DNAJC15: variants seen among roughly 807,000 people sequenced by gnomAD.
DNAJC15 encodes the protein dnaJ homolog subfamily C member 15.
In DNAJC15, 27 loss-of-function variants were observed where a neutral mutation model predicts 22.4. The ratio of observed to expected loss-of-function variants is 1.20; its 90% CI spans 0.89 to 1.66. DNAJC15 has a LOEUF of 1.66. DNAJC15 is among the 40% of genes most tolerant of loss of function. DNAJC15 has a pLI of 0.00. For missense variants in DNAJC15, 208 were observed against 187.1 expected (o/e 1.11, Z -0.65); for synonymous variants, 79 against 63.2 (o/e 1.25, Z -1.19).
At chr13:43,029,835 C>A (rs771351114) in intron 1 of DNAJC15, among the ~76,000 whole-genome samples, 3 of 152,038 alleles carry the variant, frequency 2.0e-5, no homozygotes, top group Non-Finnish European at 4.4e-5. Flanking sequence ...TAAGAATACT[C>A]GTTCTCTCAG....
At chr13:43,080,433 C>T (rs2040656526) in intron 4 of DNAJC15, among the ~76,000 whole-genome samples, 1 of 152,138 alleles carries the variant, frequency 6.6e-6, no homozygotes, top group Non-Finnish European at 1.5e-5. Context: ...TGTTTATGTA[C>T]CACATTTTCT....
intron 4 of DNAJC15, among the ~76,000 whole-genome samples, chr13:43,081,744 G>T (rs547286134): frequency 3.3e-5 from 5 of 152,130 alleles, no homozygotes; most frequent in Admixed American, 1.3e-4. Flanking sequence ...GCACATTTAT[G>T]ATTTTTAAGC....
chr13:43,093,804 TAA>T (rs1296763424), intron 5 of DNAJC15, among the ~76,000 whole-genome samples: 1 of 152,182 alleles, frequency 6.6e-6, no homozygotes, highest in African/African-American at 2.4e-5. Flanking sequence ...ATAATCTTTA[TAA>T]AAATATATCT....
chr13:43,086,947 G>A (rs988895881), intron 5 of DNAJC15, among the ~76,000 whole-genome samples: 1 of 151,674 alleles, frequency 6.6e-6, no homozygotes, highest in African/African-American at 2.4e-5. Context: ...GGACTTCGGA[G>A]CAAGGGATCA....
chr13:43,104,185 T>C (rs2040784551), intron 5 of DNAJC15, among the ~76,000 whole-genome samples: 1 of 152,198 alleles, frequency 6.6e-6, no homozygotes, highest in Non-Finnish European at 1.5e-5. Context: ...GGTTCCTTTT[T>C]GCCCCTTCCC....
chr13:43,066,571 T>G (rs1418371829), intron 2 of DNAJC15, among the ~76,000 whole-genome samples: 1 of 152,188 alleles, frequency 6.6e-6, no homozygotes, highest in Non-Finnish European at 1.5e-5. Context: ...ATTCTCAGGT[T>G]CCAAGGATTA....
intron 5 of DNAJC15, among the ~76,000 whole-genome samples, chr13:43,089,359 A>C (rs1375176476): frequency 6.6e-6 from 1 of 152,234 alleles, no homozygotes; most frequent in East Asian, 1.9e-4. Flanking sequence ...CAGACAAAAA[A>C]TAAGTAAACC....
rs1226147889 is a variant in DNAJC15 at position 43,113,893 on chromosome 13, C to G, written c.*6645C>G. The G allele has an allele frequency of 1.3e-5, 2 of 152,170 alleles. No individual in the cohort carries two copies. The highest frequency in any genetic ancestry group is 4.8e-5 in the African/African-American group (2 of 41,436). 9.4% of individuals were successfully genotyped at this position (152,170 alleles called of 1,614,324 possible). On this transcript the variant is annotated 3_prime_UTR_variant, in exon 6 of 6. Transcript: ENST00000379221. ...GCAGCAGGTACACACAGAAATGCAG[C>G]CTTTCCTGGTTAACCCTGCTTGGAT...
intron 1 of DNAJC15, among the ~76,000 whole-genome samples, chr13:43,049,014 A>C (rs1233188539): frequency 6.6e-6 from 1 of 152,062 alleles, no homozygotes; most frequent in Non-Finnish European, 1.5e-5. Context: ...TTCATCATCT[A>C]CTGCTACATA....
At chr13:43,084,563 G>C (rs1352503849) in intron 4 of DNAJC15, among the ~76,000 whole-genome samples, 1 of 152,162 alleles carries the variant, frequency 6.6e-6, no homozygotes, top group African/African-American at 2.4e-5. Context: ...ATTACACTGT[G>C]CTTTAAGTCA....
chr13:43,094,919 C>T (rs2040732393), intron 5 of DNAJC15, among the ~76,000 whole-genome samples: 2 of 152,012 alleles, frequency 1.3e-5, no homozygotes, highest in Non-Finnish European at 2.9e-5. Context: ...CTCTAAATTT[C>T]CTCCCCTTCC....
chr13:43,077,976 A>G (rs1325507175), intron 3 of DNAJC15, among the ~76,000 whole-genome samples: 1 of 152,146 alleles, frequency 6.6e-6, no homozygotes, highest in East Asian at 1.9e-4. Flanking sequence ...TCTACATGGC[A>G]GTTAGATTAA....
chr13:43,025,195 A>C (rs1345496635), intron 1 of DNAJC15, among the ~76,000 whole-genome samples: 2 of 152,204 alleles, frequency 1.3e-5, no homozygotes, highest in African/African-American at 2.4e-5. Flanking sequence ...ACTCCTTAGA[A>C]ATAAGGATTT....
At chr13:43,087,667 A>G (rs977178341) in intron 5 of DNAJC15, among the ~76,000 whole-genome samples, 9 of 152,156 alleles carry the variant, frequency 5.9e-5, no homozygotes, top group African/African-American at 1.9e-4. Context: ...ATTCATGAAT[A>G]TGTTTCCCCA....
chr13:43,083,781 T>A (rs947969331), intron 4 of DNAJC15, among the ~76,000 whole-genome samples: 1 of 152,184 alleles, frequency 6.6e-6, no homozygotes, highest in Admixed American at 6.5e-5. Flanking sequence ...CAGTAGTCTT[T>A]TAACCAGACA....
At chr13:43,047,427 C>T (rs956262418) in intron 1 of DNAJC15, among the ~76,000 whole-genome samples, 2 of 151,992 alleles carry the variant, frequency 1.3e-5, no homozygotes, top group African/African-American at 4.8e-5. Context: ...AAGTTGATTG[C>T]TGAGTAAGAT....
chr13:43,080,521 T>C (rs1351949195), intron 4 of DNAJC15, among the ~76,000 whole-genome samples: 3 of 152,266 alleles, frequency 2.0e-5, no homozygotes, highest in Admixed American at 6.5e-5. Flanking sequence ...AGTGAACATA[T>C]GTCTGCAACA....
chr13:43,100,021 G>GT (rs1020835164), intron 5 of DNAJC15, among the ~76,000 whole-genome samples: 1 of 151,900 alleles, frequency 6.6e-6, no homozygotes. Context: ...TTTGTGGGTA[G>GT]TTTTTTGTTT....
chr13:43,095,484 CTA>C (rs950891844), intron 5 of DNAJC15, among the ~76,000 whole-genome samples: 8 of 152,132 alleles, frequency 5.3e-5, no homozygotes, highest in Admixed American at 4.6e-4. Context: ...ATAAATGACT[CTA>C]GAGTTCAGAG....
Sources: gnomAD v4.1 joint callset for allele counts (sites outside exome capture counted in the v4.1 genomes callset) on GRCh38, gnomAD v4.1.1 for gene constraint, MANE v1.5 for transcripts, NCBI Gene and HGNC (gene_info 2026-07-23, HGNC 2026-07-21) for gene names.